The following GABRA5 variants were observed in gnomAD, a reference collection of about 807,000 sequenced individuals.
The protein encoded by GABRA5 is gamma-aminobutyric acid receptor subunit alpha-5.
GABRA5 carries 18 observed loss-of-function variants against 47.3 expected under a neutral mutation model. That is an observed-to-expected ratio of 0.38 (90% CI 0.26 to 0.56). The LOEUF (loss-of-function observed/expected upper bound fraction) is 0.56. Ranked by LOEUF, GABRA5 falls within the 20% of genes least tolerant of loss-of-function variation. The pLI is 0.71. For missense variants in GABRA5, 365 were observed against 599.3 expected (o/e 0.61, Z 4.08); for synonymous variants, 237 against 229.3 (o/e 1.03, Z -0.30).
chr15:26,876,756 T>G (rs1279868676), intron 3 of GABRA5, among the ~76,000 whole-genome samples: 2 of 152,012 alleles, frequency 1.3e-5, no homozygotes. Flanking sequence ...ATGGGGTGAA[T>G]GAAAGGCTCT....
intron 6 of GABRA5, among the ~76,000 whole-genome samples, chr15:26,890,771 A>G (rs1892987725): frequency 6.6e-6 from 1 of 151,814 alleles, no homozygotes; most frequent in South Asian, 2.1e-4. Flanking sequence ...AATTCCATAT[A>G]CTCCCTGTCA....
rs1003353367 is a variant in GABRA5, at chr15:26,867,271, A to T, written c.-140+160A>T. ...TGCCGGGGAAGTTCGCGCTGGCAGC[A>T]TGGGGCGGTGACGCCGCACCGGCCT... On this transcript the variant is annotated intron_variant, in intron 1 of 10. Transcript: ENST00000335625. This position sits in a 1 kb window ranked among gnomAD's most constrained non-coding sequence, Gnocchi z 5.9. 6.6e-6 allele frequency: 1 copy of T among 151,430 alleles called. No homozygotes were observed. The highest frequency in any genetic ancestry group is 2.4e-5 in the African/African-American group (1 of 41,308). 9.4% of individuals were successfully genotyped at this position (151,430 alleles called of 1,614,324 possible).
chr15:26,940,397 C>G (rs1166432288), intron 9 of GABRA5, among the ~76,000 whole-genome samples: 1 of 152,128 alleles, frequency 6.6e-6, no homozygotes, highest in Admixed American at 6.5e-5. Context: ...CATTCCTTAT[C>G]CCAAATGCTT....
At chr15:26,909,823 A>C (rs979183642) in intron 6 of GABRA5, among the ~76,000 whole-genome samples, 1 of 152,214 alleles carries the variant, frequency 6.6e-6, no homozygotes. Flanking sequence ...GCATACTCAC[A>C]GGTTTGGGGT....
rs1447384479 is a variant in GABRA5, at chr15:26,883,400, C to A, written c.340C>A (p.Pro114Thr). Residue 114 changes from proline to threonine, a missense_variant, in exon 6 of 11, where the codon CCC (proline) becomes ACC (threonine). Pro to Thr is a conservative substitution (Grantham distance 38). Coordinates refer to ENST00000335625, the MANE Select transcript of GABRA5 (RefSeq NM_000810.4). The surrounding 1 kb of genome is among the most constrained non-coding windows in gnomAD (Gnocchi z 4.8). ...AGATGAAAGGCTTCGGTTTAAGGGGCCCATGCAGCGCCTCCCTCTCAACAA... is the reference window on the plus strand; with the variant it reads ...AGATGAAAGGCTTCGGTTTAAGGGGACCATGCAGCGCCTCCCTCTCAACAA... ...WKDERLRFKG[P>T]MQRLPLNNLL... 1 of 1,614,004 alleles carries A rather than the reference C, an allele frequency of 6.2e-7. No homozygotes were observed. The highest frequency in any genetic ancestry group is 8.5e-7 in the Non-Finnish European group (1 of 1,179,906).
chr15:26,883,172 T>C lies in GABRA5; in HGVS notation c.215T>C (p.Ile72Thr). The C allele has an allele frequency of 1.2e-6, 2 of 1,613,686 alleles. No homozygotes were observed. The highest frequency in any genetic ancestry group is 1.1e-5 in the South Asian group (1 of 91,082). Reference protein sequence around the residue: ...NRLRPGLGERITQVRTDIYVT... With the variant: ...NRLRPGLGERTTQVRTDIYVT... ...ACCTGTGTCTGTCTTTCAGAGCGCA[T>C]CACTCAGGTGAGGACCGACATCTAC... Residue 72 changes from isoleucine (I) to threonine (T), a missense_variant, in exon 5 of 11, where the codon ATC becomes ACC. By Grantham distance (89) the Ile-to-Thr change is moderately conservative. Transcript: ENST00000335625. This position sits in a 1 kb window ranked among gnomAD's most constrained non-coding sequence, Gnocchi z 4.8.
At chr15:26,921,164 T>G (rs929675189) in intron 7 of GABRA5, among the ~76,000 whole-genome samples, 1 of 152,174 alleles carries the variant, frequency 6.6e-6, no homozygotes, top group Non-Finnish European at 1.5e-5. Flanking sequence ...ATTCCCACCT[T>G]TTTTATTTTC....
intron 7 of GABRA5, among the ~76,000 whole-genome samples, chr15:26,916,893 A>G (rs1893728248): frequency 6.6e-6 from 1 of 152,080 alleles, no homozygotes; most frequent in Non-Finnish European, 1.5e-5. Context: ...ATATATAGAA[A>G]TGGAACTGAT....
At chr15:26,877,795 T>C (rs1397033560) in intron 3 of GABRA5, 1 of 382,878 alleles carries the variant, frequency 2.6e-6, no homozygotes, top group Non-Finnish European at 5.1e-6. Flanking sequence ...ATTCCTATTT[T>C]AAGAGAACCT....
chr15:26,892,362 A>G (rs1245508638), intron 6 of GABRA5, among the ~76,000 whole-genome samples: 1 of 152,004 alleles, frequency 6.6e-6, no homozygotes, highest in African/African-American at 2.4e-5. Context: ...CCCCGGGGAA[A>G]TGCAGCCCCG....
At chr15:26,900,871 C>T (rs1211325345) in intron 6 of GABRA5, among the ~76,000 whole-genome samples, 1 of 152,048 alleles carries the variant, frequency 6.6e-6, no homozygotes, top group East Asian at 1.9e-4. Context: ...TCCCTCTCTC[C>T]CCTGAACCCC....
intron 6 of GABRA5, among the ~76,000 whole-genome samples, chr15:26,905,230 T>C (rs1893417107): frequency 6.6e-6 from 1 of 152,134 alleles, no homozygotes; most frequent in Non-Finnish European, 1.5e-5. Context: ...TCATAATTTC[T>C]TCTTCATTTT....
chr15:26,937,051 A>G, intron 7 of GABRA5, 134 bp from the exon 8 acceptor site: 1 of 1,088,536 alleles, frequency 9.2e-7, no homozygotes, highest in Admixed American at 1.8e-5. Flanking sequence ...CACCCTATGC[A>G]TTTTTTAGGT....
intron 6 of GABRA5, among the ~76,000 whole-genome samples, chr15:26,890,363 A>G (rs2140265491): frequency 6.6e-6 from 1 of 151,950 alleles, no homozygotes; most frequent in Middle Eastern, 3.4e-3. Flanking sequence ...ATGAGATCCA[A>G]TTAGCCAGTC....
Position 26,948,331 on chromosome 15 carries a change from C to A in GABRA5, c.*98C>A. ...GGGACTCTCCATATGTGAGCACTAT[C>A]TTTCAGGAAATTTTTGCATGTTTAA... On this transcript the variant is annotated 3_prime_UTR_variant, in exon 11 of 11. Coordinates refer to ENST00000335625, the MANE Select transcript of GABRA5 (RefSeq NM_000810.4). The A allele has an allele frequency of 8.5e-7, 1 of 1,175,046 alleles. No individual in the cohort carries two copies. The highest frequency in any genetic ancestry group is 1.2e-6 in the Non-Finnish European group (1 of 844,960). The allele number at this position is 1,175,046 out of a possible 1,614,324, so 72.8% of individuals were successfully genotyped here.
chr15:26,880,873 G>C lies in GABRA5; in HGVS notation c.114G>C (p.Val38=), dbSNP rs1595395691. ...TTTCACAGATGCCAACCAGTTCAGTGAAAGATGAGACCAATGACAACATCA... is the reference window on the plus strand; with the variant it reads ...TTTCACAGATGCCAACCAGTTCAGTCAAAGATGAGACCAATGACAACATCA... ...FGFSQMPTSS[V]KDETNDNITI... is the part of the protein sequence containing the mutation. Residue 38 remains valine, a synonymous_variant, in exon 4 of 11, where the codon GTG becomes GTC. Coordinates refer to ENST00000335625, the MANE Select transcript of GABRA5 (RefSeq NM_000810.4). 2 of 1,613,816 alleles carry C rather than the reference G, an allele frequency of 1.2e-6. No homozygotes were observed. The highest frequency in any genetic ancestry group is 2.7e-5 in the African/African-American group (2 of 74,914).
At chr15:26,918,135 G>A (rs1344909404) in intron 7 of GABRA5, among the ~76,000 whole-genome samples, 2 of 151,806 alleles carry the variant, frequency 1.3e-5, no homozygotes, top group Non-Finnish European at 2.9e-5. Context: ...AAGGAGTTAG[G>A]TTGTTTATAA....
rs1892352644 is a variant in GABRA5 at position 26,867,658 on chromosome 15, C to T, written c.-140+547C>T. 6.6e-6 allele frequency among the ~76,000 whole-genome samples: 1 copy of T among 151,966 alleles called. No individual in the cohort carries two copies. The highest frequency in any genetic ancestry group is 2.4e-5 in the African/African-American group (1 of 41,410). On this transcript the variant is annotated intron_variant, in intron 1 of 10. Coordinates refer to ENST00000335625, the MANE Select transcript of GABRA5 (RefSeq NM_000810.4). The surrounding 1 kb of genome is among the most constrained non-coding windows in gnomAD (Gnocchi z 5.9). ...GGACGGGGCACCAGGGCGCGGTGAC[C>T]GGTTGGGGGTGGGGGACACCCGTTG...
rs1894573354 is a variant in GABRA5, at chr15:26,948,644, C to T, written c.*411C>T. 1 of 169,418 alleles carries T rather than the reference C, an allele frequency of 5.9e-6. No homozygotes were observed. The highest frequency in any genetic ancestry group is 2.4e-5 in the African/African-American group (1 of 41,788). The allele number at this position is 169,418 out of a possible 1,614,324, so 10.5% of individuals were successfully genotyped here. A position where few individuals can be genotyped will look rare whatever the true frequency, so the allele number is the denominator to read the frequency against. ...CTCTCCATGATTATTAGTTGACCAA[C>T]TATATTGCGAGAAACAGAGATCATA... is the stretch of plus-strand genomic sequence containing the variant. On this transcript the variant is annotated 3_prime_UTR_variant, in exon 11 of 11. Coordinates refer to ENST00000335625, the MANE Select transcript of GABRA5 (RefSeq NM_000810.4).
Sources: gnomAD v4.1 joint callset for allele counts (sites outside exome capture counted in the v4.1 genomes callset) on GRCh38, gnomAD v4.1.1 for gene constraint, Gnocchi (gnomAD v3.1) non-coding constraint, MANE v1.5 for transcripts, NCBI Gene and HGNC (gene_info 2026-07-23, HGNC 2026-07-21) for gene names.